Variants in HMGXB4 observed in about 807,000 individuals in gnomAD.
HMGXB4 encodes the protein HMG domain-containing protein 4.
Under a neutral mutation model 63.9 loss-of-function variants are expected in HMGXB4, and 27 were observed. That is an observed-to-expected ratio of 0.42 (90% CI 0.31 to 0.58). HMGXB4 has a LOEUF of 0.58. HMGXB4 is among the 20% of genes least tolerant of loss of function. The pLI, the probability that HMGXB4 is intolerant of heterozygous loss-of-function variation, is 0.13. For missense variants in HMGXB4, 624 were observed against 700.7 expected, an observed-to-expected ratio of 0.89 and a Z score of 1.24; for synonymous variants, 264 against 265.3, an observed-to-expected ratio of 0.99 and a Z score of 0.05.
the HMGXB4 span, among the ~76,000 whole-genome samples, chr22:35,251,799 A>C: frequency 6.6e-6 from 1 of 152,218 alleles, no homozygotes; most frequent in Non-Finnish European, 1.5e-5. Flanking sequence ...CCATGATACC[A>C]TCATCAAAAT....
At chr22:35,264,613 A>G in intron 4 of HMGXB4, 35 bp from the exon 5 acceptor site, 2 of 1,462,140 alleles carry the variant, frequency 1.4e-6, no homozygotes, top group South Asian at 2.8e-5. Context: ...GTTGCTTCCC[A>G]TCATATTGAC....
chr22:35,258,709 A>T (rs1485268218), intron 1 of HMGXB4: 1 of 152,268 alleles, frequency 6.6e-6, no homozygotes, highest in Non-Finnish European at 1.5e-5. Context: ...GTATCGTAGA[A>T]GTAACAAGAA....
chr22:35,255,031 T>A (rs1183958687), upstream of HMGXB4, among the ~76,000 whole-genome samples: 1 of 152,208 alleles, frequency 6.6e-6, no homozygotes, highest in African/African-American at 2.4e-5. Flanking sequence ...ATTTTCTTTG[T>A]GTCTACCCCA....
intron 9 of HMGXB4, 34 bp from the exon 10 acceptor site, chr22:35,292,958 T>G (rs754867200): frequency 6.2e-7 from 1 of 1,613,702 alleles, no homozygotes; most frequent in Admixed American, 1.7e-5. Context: ...GCATCAGGAG[T>G]GTGACTCAAG....
chr22:35,294,744 A>G lies in HMGXB4; in HGVS notation c.*1093A>G, dbSNP rs772642823. On this transcript the variant is annotated 3_prime_UTR_variant, in exon 11 of 11. Transcript: ENST00000216106. ...ATATAATTTAATAACAGAAGCCTCC[A>G]CCAGCAACAGCATGTGGAAGATACA... 5.3e-5 allele frequency: 8 copies of G among 152,146 alleles called. No individual in the cohort carries two copies. The highest frequency in any genetic ancestry group is 8.8e-5 in the Non-Finnish European group (6 of 68,014). The allele number at this position is 152,146 out of a possible 1,614,324, so 9.4% of individuals were successfully genotyped here. A position where few individuals can be genotyped will look rare whatever the true frequency, so the allele number is the denominator to read the frequency against.
upstream of HMGXB4, among the ~76,000 whole-genome samples, chr22:35,256,511 A>T (rs186780868): frequency 3.4e-3 from 519 of 152,034 alleles, 5 homozygotes; most frequent in African/African-American, 0.012. Context: ...ATATATATAT[A>T]TTTTTTGAGA....
chr22:35,264,037 G>A (rs923310699), intron 4 of HMGXB4, 163 bp downstream of exon 4: 2 of 1,549,142 alleles, frequency 1.3e-6, no homozygotes, highest in Non-Finnish European at 1.7e-6. Context: ...GAGAGAGGTG[G>A]AGGGCTGGTA....
the HMGXB4 span, among the ~76,000 whole-genome samples, chr22:35,246,606 G>A: frequency 6.6e-6 from 1 of 152,192 alleles, no homozygotes; most frequent in African/African-American, 2.4e-5. Flanking sequence ...TTGCTAGGGG[G>A]TGGCTGGCTA....
chr22:35,285,184 T>C (rs74494444), intron 6 of HMGXB4, among the ~76,000 whole-genome samples: 2,425 of 152,276 alleles, frequency 0.016, 30 homozygotes, highest in Non-Finnish European at 0.026. Context: ...AGCAGGAGAA[T>C]TGCTGGAGCC....
chr22:35,256,946 A>AGTCT (rs1922442756), upstream of HMGXB4, among the ~76,000 whole-genome samples: 2 of 152,278 alleles, frequency 1.3e-5, no homozygotes, highest in Non-Finnish European at 2.9e-5. Context: ...TAACTAAAAA[A>AGTCT]TGTAGATGAT....
intron 5 of HMGXB4, among the ~76,000 whole-genome samples, chr22:35,270,373 G>T (rs567114198): frequency 3.3e-5 from 5 of 152,282 alleles, no homozygotes; most frequent in Admixed American, 2.6e-4. Context: ...AAGAAAATAA[G>T]CTCAGGGCTC....
intron 5 of HMGXB4, among the ~76,000 whole-genome samples, chr22:35,267,759 G>T (rs892686917): frequency 1.3e-5 from 2 of 152,156 alleles, no homozygotes; most frequent in East Asian, 1.9e-4. Context: ...AATGAAAACT[G>T]TATCTCCTCC....
At chr22:35,270,811 G>A (rs1601631139) in intron 5 of HMGXB4, among the ~76,000 whole-genome samples, 1 of 152,174 alleles carries the variant, frequency 6.6e-6, no homozygotes, top group Admixed American at 6.5e-5. Context: ...AAAATCTGAA[G>A]TAGTCATAAT....
intron 7 of HMGXB4, among the ~76,000 whole-genome samples, chr22:35,286,482 C>G (rs759808798): frequency 8.5e-5 from 13 of 152,184 alleles, no homozygotes; most frequent in Non-Finnish European, 1.2e-4. Context: ...TAACCAGGTT[C>G]AAGGTCATCA....
At chr22:35,276,889 C>T (rs960163450) in intron 5 of HMGXB4, among the ~76,000 whole-genome samples, 4 of 152,210 alleles carry the variant, frequency 2.6e-5, no homozygotes, top group African/African-American at 9.7e-5. Context: ...AATGATTTCA[C>T]CCTATCCTCC....
At chr22:35,276,563 AG>A (rs1923926600) in intron 5 of HMGXB4, among the ~76,000 whole-genome samples, 1 of 152,196 alleles carries the variant, frequency 6.6e-6, no homozygotes, top group Non-Finnish European at 1.5e-5. Flanking sequence ...AATGGCCACG[AG>A]TACCCTTTAC....
chr22:35,290,580 G>A (rs969603461), intron 9 of HMGXB4, among the ~76,000 whole-genome samples: 2 of 144,586 alleles, frequency 1.4e-5, no homozygotes, highest in Admixed American at 7.1e-5. Context: ...GCAGTGAGCC[G>A]AGATTGCGCC....
At chr22:35,255,788 G>A, upstream of HMGXB4, among the ~76,000 whole-genome samples, 1 of 152,224 alleles carries the variant, frequency 6.6e-6, no homozygotes, top group East Asian at 1.9e-4. Context: ...CCTGACCAAT[G>A]GATTTAGGGC....
intron 5 of HMGXB4, among the ~76,000 whole-genome samples, chr22:35,275,689 G>A (rs1164178354): frequency 3.3e-5 from 5 of 152,086 alleles, no homozygotes; most frequent in South Asian, 2.1e-4. Flanking sequence ...TCAGTGAGTC[G>A]TAATGAGCCA....
Sources: gnomAD v4.1 joint callset for allele counts (sites outside exome capture counted in the v4.1 genomes callset) on GRCh38, gnomAD v4.1.1 for gene constraint, MANE v1.5 for transcripts, NCBI Gene and HGNC (gene_info 2026-07-23, HGNC 2026-07-21) for gene names.